Variants in CELSR1 observed in about 807,000 individuals in gnomAD.
CELSR1 encodes the protein adhesion G protein-coupled receptor C1.
In CELSR1, 110 loss-of-function variants were observed where a neutral mutation model predicts 249.1. The observed-to-expected ratio is 0.44, with a 90% confidence interval of 0.38 to 0.52. The LOEUF (loss-of-function observed/expected upper bound fraction) is 0.52. Ranked by LOEUF, CELSR1 falls within the 20% of genes least tolerant of loss-of-function variation. CELSR1 has a pLI of 0.00. For synonymous variants in CELSR1, 2,113 were observed against 1,900.0 expected (o/e 1.11, Z -2.92); for missense variants, 4,109 against 4,296.4 (o/e 0.96, Z 1.22).
At chr22:46,476,108 T>C (rs1281242348) in intron 1 of CELSR1, among the ~76,000 whole-genome samples, 1 of 152,054 alleles carries the variant, frequency 6.6e-6, no homozygotes. Context: ...CAACATAGAA[T>C]TAACACATGA....
Position 46,406,566 on chromosome 22 carries a change from A to C in CELSR1, c.5226+2430T>G, listed in dbSNP as rs1164387907. Among the ~76,000 whole-genome samples the C allele has an allele frequency of 6.6e-6, 1 of 152,120 alleles. No individual in the cohort carries two copies. The highest frequency in any genetic ancestry group is 1.5e-5 in the Non-Finnish European group (1 of 68,016). Reference sequence around the variant, plus strand: ...TGCCCCCGCCACACTCCAACCAGGCACTCATGATGGGGAGGGCATGTGCTG... The same window carrying C: ...TGCCCCCGCCACACTCCAACCAGGCCCTCATGATGGGGAGGGCATGTGCTG... On this transcript the variant is annotated intron_variant, in intron 9 of 34. Coordinates refer to ENST00000674500, the MANE Select transcript of CELSR1 (RefSeq NM_001378328.1). This position sits in a 1 kb window ranked among gnomAD's most constrained non-coding sequence, Gnocchi z 5.4.
In CELSR1 at chr22:46,439,230, G is replaced by A. The variant is rs1382348302; in HGVS notation, c.4365C>T (p.Phe1455=). The A allele has an allele frequency of 1.2e-6, 2 of 1,614,030 alleles. No homozygotes were observed. Among genetic ancestry groups the A allele is most frequent in the African/African-American group, 1.3e-5 (1 of 75,028 alleles). ...AGTGGAAGCGCTGTCTCAGGCCCCGGAAGGTGACGAAGGACTGGGGCGGGA... is the reference window on the plus strand; with the variant it reads ...AGTGGAAGCGCTGTCTCAGGCCCCGAAAGGTGACGAAGGACTGGGGCGGGA... The part of the protein sequence containing the change: ...RSFPPQSFVT[F]RGLRQRFHFT... The change falls in exon 3 of 35, where the codon TTC becomes TTT. Residue 1455 remains phenylalanine (F), a synonymous_variant. Transcript: ENST00000674500.
At chr22:46,495,623 G>A (rs2080405407) in intron 1 of CELSR1, among the ~76,000 whole-genome samples, 1 of 151,980 alleles carries the variant, frequency 6.6e-6, no homozygotes, top group African/African-American at 2.4e-5. Context: ...ATTACCTGAG[G>A]TCAGCAGTTC....
intron 2 of CELSR1, among the ~76,000 whole-genome samples, chr22:46,453,874 G>C (rs901861412): frequency 1.3e-5 from 2 of 152,176 alleles, no homozygotes; most frequent in South Asian, 2.1e-4. Context: ...GTGAGTGGTC[G>C]AGATTGTTTA....
In CELSR1 at chr22:46,439,271, C is replaced by T; in HGVS notation, c.4324G>A (p.Val1442Met). The T allele has an allele frequency of 6.2e-7, 1 of 1,614,096 alleles. No individual in the cohort carries two copies. Among genetic ancestry groups the T allele is most frequent in the Non-Finnish European group, 8.5e-7 (1 of 1,180,006 alleles). The change falls in exon 3 of 35, where the codon GTG (valine) becomes ATG (methionine). Residue 1442 changes from valine to methionine, a missense_variant. By Grantham distance (21) the Val-to-Met change is conservative. Transcript: ENST00000674500. ...TGGGGCGGGAAGCTCCTGGTGGTCA[C>T]CTCACAGTAGGGCCTCTCATACTCG... ...PGEYERPYCE[V>M]TTRSFPPQSF...
At position 46,488,444 on chromosome 22, in the gene CELSR1, C is replaced by T. The variant is rs1481829076; in HGVS notation, c.3545-24099G>A. 6.6e-6 allele frequency among the ~76,000 whole-genome samples: 1 copy of T among 152,178 alleles called. No homozygotes were observed. The highest frequency in any genetic ancestry group is 1.5e-5 in the Non-Finnish European group (1 of 68,018). ...GGCCACCGTAGTGCCATAGAGCGTG[C>T]ACCTAGGCGTGCGTGCCAGTGAGCT... On this transcript the variant is annotated intron_variant, in intron 1 of 34. Transcript: ENST00000674500. This position sits in a 1 kb window ranked among gnomAD's most constrained non-coding sequence, Gnocchi z 4.7.
chr22:46,390,306 A>G lies in CELSR1; in HGVS notation c.6345+86T>C. The G allele has an allele frequency of 8.9e-7, 1 of 1,129,660 alleles. No homozygotes were observed. The highest frequency in any genetic ancestry group is 2.2e-5 in the Admixed American group (1 of 44,924). 70.0% of individuals were successfully genotyped at this position (1,129,660 alleles called of 1,614,324 possible). On this transcript the variant is annotated intron_variant, in intron 17 of 34. Coordinates refer to ENST00000674500, the MANE Select transcript of CELSR1 (RefSeq NM_001378328.1). The surrounding 1 kb of genome is among the most constrained non-coding windows in gnomAD (Gnocchi z 6.3). The stretch of plus-strand genomic sequence containing the variant: ...CAGCCGCCCCAACACTCCCCAGCCC[A>G]GGAGCCTCGGCCCACACAAACTCTC...
Position 46,488,351 on chromosome 22 carries a change from C to T in CELSR1, c.3545-24006G>A, listed in dbSNP as rs6008865. ...GGGGGATGAGAGTCCCACTAAGGAG[C>T]TGAGCCCTTCCTGCTCCTAAGCCCG... On this transcript the variant is annotated intron_variant, in intron 1 of 34. Transcript: ENST00000674500. The surrounding 1 kb of genome is among the most constrained non-coding windows in gnomAD (Gnocchi z 4.7). Among the ~76,000 whole-genome samples the T allele has an allele frequency of 6.6e-6, 1 of 152,094 alleles. No individual in the cohort carries two copies. Among genetic ancestry groups the T allele is most frequent in the Middle Eastern group, 3.2e-3 (1 of 316 alleles).
chr22:46,386,450 C>A lies in CELSR1; in HGVS notation c.6691G>T (p.Val2231Leu). ...AAGGGCCGCAGGTACGTCCGCCGCACGTTGCGTGCCACGTTGCTGAAGTAG... is the reference window on the plus strand; with the variant it reads ...AAGGGCCGCAGGTACGTCCGCCGCAAGTTGCGTGCCACGTTGCTGAAGTAG... ...EGYFSNVARNVRRTYLRPFVI... is the reference protein window; with the variant it reads ...EGYFSNVARNLRRTYLRPFVI... Residue 2231 changes from valine to leucine, a missense_variant, in exon 19 of 35, where the codon GTG becomes TTG. Around this residue, in one of 7 missense-constraint regions of CELSR1, gnomAD observed 1,805 missense variants for 1,831.6 expected, o/e 0.99. Transcript: ENST00000674500. 2 of 1,601,524 alleles carry A rather than the reference C, an allele frequency of 1.2e-6. No individual in the cohort carries two copies. The highest frequency in any genetic ancestry group is 1.7e-5 in the Admixed American group (1 of 58,364).
Position 46,384,575 on chromosome 22 carries a change from G to A in CELSR1, c.6851C>T (p.Pro2284Leu). Residue 2284 changes from proline to leucine, a missense_variant, in exon 20 of 35, where the codon CCA becomes CTA. By Grantham distance (98) the Pro-to-Leu change is moderately conservative. Around this residue, in one of 7 missense-constraint regions of CELSR1, gnomAD observed 1,805 missense variants for 1,831.6 expected, o/e 0.99. Coordinates refer to ENST00000674500, the MANE Select transcript of CELSR1 (RefSeq NM_001378328.1). Reference sequence around the variant, plus strand: ...TTCAGGTGGTCTGAAGAAGTCGGCTGGGAAGGAGACGGAGGACTCCAGCTC... The same window carrying A: ...TTCAGGTGGTCTGAAGAAGTCGGCTAGGAAGGAGACGGAGGACTCCAGCTC... ...PRELESSVSF[P>L]ADFFRPPEEK... 1 of 1,613,006 alleles carries A rather than the reference G, an allele frequency of 6.2e-7. No homozygotes were observed. The highest frequency in any genetic ancestry group is 8.5e-7 in the Non-Finnish European group (1 of 1,179,544).
rs370921649 is a variant in CELSR1, at chr22:46,533,788, G to T, written c.3383C>A (p.Pro1128Gln). Residue 1128 changes from proline to glutamine, a missense_variant, in exon 1 of 35, where the codon CCG becomes CAG. Transcript: ENST00000674500. Reference sequence around the variant, plus strand: ...GTCTGACACGTCGGGGTCATGGGCCGGGATGCAGCCGATCACGCCGGTGGG... The same window carrying T: ...GTCTGACACGTCGGGGTCATGGGCCTGGATGCAGCCGATCACGCCGGTGGG... Reference protein sequence around the residue: ...SFPTGVIGCIPAHDPDVSDSL... With the variant: ...SFPTGVIGCIQAHDPDVSDSL... The T allele has an allele frequency of 1.2e-6, 2 of 1,613,578 alleles. No homozygotes were observed. Among genetic ancestry groups the T allele is most frequent in the South Asian group, 1.1e-5 (1 of 91,094 alleles).
chr22:46,422,901 A>G (rs1195508600), intron 5 of CELSR1, among the ~76,000 whole-genome samples: 3 of 152,196 alleles, frequency 2.0e-5, no homozygotes, highest in African/African-American at 7.2e-5. Flanking sequence ...CTCACTTTGC[A>G]TTCTTCTTCC....
At chr22:46,405,975 C>A (rs1055285842) in intron 9 of CELSR1, among the ~76,000 whole-genome samples, 1 of 152,194 alleles carries the variant, frequency 6.6e-6, no homozygotes. Flanking sequence ...GCCACCCCTC[C>A]AGCCACCCAG....
In CELSR1 at chr22:46,446,611, G is replaced by A. The variant is rs771279361; in HGVS notation, c.4184-7200C>T. Among the ~76,000 whole-genome samples the A allele has an allele frequency of 2.0e-5, 3 of 151,788 alleles. No individual in the cohort carries two copies. The highest frequency in any genetic ancestry group is 1.9e-4 in the East Asian group (1 of 5,180). ...CTGGCAGGGAGGGTCGCAGGGGGTC[G>A]GTGGGGGGGAAAGCTGGGTCCATAG... On this transcript the variant is annotated intron_variant, in intron 2 of 34. Transcript: ENST00000674500. This position sits in a 1 kb window ranked among gnomAD's most constrained non-coding sequence, Gnocchi z 5.5.
intron 5 of CELSR1, among the ~76,000 whole-genome samples, chr22:46,416,900 T>G (rs1332777909): frequency 6.8e-6 from 1 of 146,092 alleles, no homozygotes; most frequent in African/African-American, 2.5e-5. Context: ...TTTAACCTGC[T>G]GCAGACGATT....
chr22:46,460,211 A>ACACACCCCCCCCCC (rs1555922666), intron 2 of CELSR1, among the ~76,000 whole-genome samples: 9 of 148,870 alleles, frequency 6.0e-5, no homozygotes, highest in African/African-American at 2.3e-4. Flanking sequence ...ACACACACAC[A>ACACACCCCCCCCCC]CACACCCATT....
In CELSR1 at chr22:46,365,242, C is replaced by T. The variant is rs1382476936; in HGVS notation, c.8543G>A (p.Ser2848Asn). Residue 2848 changes from serine (S) to asparagine (N), a missense_variant, in exon 32 of 35, where the codon AGC becomes AAC. By Grantham distance (46) the Ser-to-Asn change is conservative (BLOSUM62 1). Around this residue, in one of 7 missense-constraint regions of CELSR1, gnomAD observed 1,805 missense variants for 1,831.6 expected, o/e 0.99. Coordinates refer to ENST00000674500, the MANE Select transcript of CELSR1 (RefSeq NM_001378328.1). ...KWDPARGAVH[S>N]TPKGDAVANH... Reference sequence around the variant, plus strand: ...CCCCACACACTCACCTTTGGGGGTGCTGTGGACGGCGCCCCTGGCCGGGTC... The same window carrying T: ...CCCCACACACTCACCTTTGGGGGTGTTGTGGACGGCGCCCCTGGCCGGGTC... 2 of 1,611,760 alleles carry T rather than the reference C, an allele frequency of 1.2e-6. No individual in the cohort carries two copies. Among genetic ancestry groups the T allele is most frequent in the South Asian group, 1.1e-5 (1 of 91,054 alleles).
In CELSR1 at chr22:46,417,412, C is replaced by T. The variant is rs1426618865; in HGVS notation, c.4612-5653G>A. On this transcript the variant is annotated intron_variant, in intron 5 of 34. Transcript: ENST00000674500. The surrounding 1 kb of genome is among the most constrained non-coding windows in gnomAD (Gnocchi z 4.1). ...GACCGAGCTGCTACTTCCTGGTGGT[C>T]CCAATACCCCTAGGCAGGTAACAGG... Among the ~76,000 whole-genome samples, 1 of 152,228 alleles carries T rather than the reference C, an allele frequency of 6.6e-6. No homozygotes were observed. The highest frequency in any genetic ancestry group is 2.4e-5 in the African/African-American group (1 of 41,452).
At position 46,462,381 on chromosome 22, in the gene CELSR1, C is replaced by T. The variant is rs569877205; in HGVS notation, c.4183+1326G>A. Among the ~76,000 whole-genome samples, 8 of 152,240 alleles carry T rather than the reference C, an allele frequency of 5.3e-5. No homozygotes were observed. In the South Asian group the frequency reaches 8.3e-4, roughly 16 times the overall value. On this transcript the variant is annotated intron_variant, in intron 2 of 34. Transcript: ENST00000674500. ...TGCCAACACCCGTGCTGGTGGTTTT[C>T]CCTCCACTTCTGATGCAGAGAACCT...
Sources: allele counts gnomAD v4.1 joint callset (sites outside exome capture counted in the v4.1 genomes callset), GRCh38; gene constraint gnomAD v4.1.1; regional missense constraint gnomAD v4.1.1; non-coding constraint Gnocchi (gnomAD v3.1); transcripts MANE v1.5; gene names NCBI Gene and HGNC (gene_info 2026-07-23, HGNC 2026-07-21).